GADL1: variants seen among roughly 807,000 people sequenced by gnomAD.
The protein encoded by GADL1 is acidic amino acid decarboxylase GADL1.
A neutral mutation model predicts 69.5 loss-of-function variants in GADL1; 71 were observed. The ratio of observed to expected loss-of-function variants is 1.02; its 90% CI spans 0.84 to 1.25. The LOEUF (loss-of-function observed/expected upper bound fraction) is 1.25, where lower values mean the gene tolerates loss of function less well. Among genes scored for constraint, GADL1 ranks in the 50% most tolerant of loss-of-function variants. The probability of loss-of-function intolerance (pLI) is 0.00; values close to 1 mark genes in which losing one functional copy is unlikely to be tolerated. For missense variants in GADL1, 737 were observed against 631.8 expected (o/e 1.17, Z -1.79); for synonymous variants, 254 against 214.4 (o/e 1.18, Z -1.62).
At chr3:30,851,430 T>C (rs1265279250) in intron 4 of GADL1, among the ~76,000 whole-genome samples, 1 of 152,180 alleles carries the variant, frequency 6.6e-6, no homozygotes, top group African/African-American at 2.4e-5. Flanking sequence ...TACTACACTC[T>C]CTGTGTCTGT....
intron 14 of GADL1, among the ~76,000 whole-genome samples, chr3:30,751,362 A>G (rs76584952): frequency 0.013 from 1,968 of 151,980 alleles, 19 homozygotes; most frequent in Non-Finnish European, 0.018. Context: ...GTTTGTTTCT[A>G]TTCTGTGAGT....
At chr3:30,842,200 A>C (rs1279702323) in intron 8 of GADL1, among the ~76,000 whole-genome samples, 4 of 152,176 alleles carry the variant, frequency 2.6e-5, no homozygotes, top group Non-Finnish European at 5.9e-5. Flanking sequence ...TTAAAAGGGC[A>C]ATGGGGAAAT....
chr3:30,811,575 G>A (rs1434683882), intron 11 of GADL1, among the ~76,000 whole-genome samples: 1 of 152,122 alleles, frequency 6.6e-6, no homozygotes, highest in African/African-American at 2.4e-5. Flanking sequence ...TTTAAATAGT[G>A]ACACAGTATC....
At chr3:30,832,132 TA>T (rs1459584133) in intron 11 of GADL1, among the ~76,000 whole-genome samples, 1 of 151,836 alleles carries the variant, frequency 6.6e-6, no homozygotes, top group Non-Finnish European at 1.5e-5. Flanking sequence ...ACACAAAACT[TA>T]AACTGATTGC....
At chr3:30,827,250 T>C (rs1229879463) in intron 11 of GADL1, among the ~76,000 whole-genome samples, 1 of 151,184 alleles carries the variant, frequency 6.6e-6, no homozygotes. Context: ...GTGAGACCCA[T>C]TCTGTCCTCA....
intron 14 of GADL1, among the ~76,000 whole-genome samples, chr3:30,765,995 A>G (rs370006549): frequency 6.6e-6 from 1 of 152,198 alleles, no homozygotes; most frequent in Admixed American, 6.5e-5. Flanking sequence ...ACTCATGCTC[A>G]GGTGCCAGGA....
chr3:30,732,011 T>C (rs1040173803), intron 14 of GADL1, among the ~76,000 whole-genome samples: 20 of 152,214 alleles, frequency 1.3e-4, no homozygotes, highest in African/African-American at 4.3e-4. Context: ...AAAGCTTATT[T>C]GAAAGGAATT....
chr3:30,809,126 A>G (rs373321219), intron 11 of GADL1, among the ~76,000 whole-genome samples: 1 of 152,192 alleles, frequency 6.6e-6, no homozygotes, highest in Non-Finnish European at 1.5e-5. Context: ...TGCTGTATTT[A>G]TGTTCACCTA....
intron 14 of GADL1, among the ~76,000 whole-genome samples, chr3:30,777,513 C>T (rs541369965): frequency 1.7e-4 from 26 of 152,270 alleles, no homozygotes; most frequent in South Asian, 4.1e-4. Context: ...GTGTTACTCA[C>T]GAGACTCCAT....
chr3:30,871,997 G>A (rs1229619290), intron 1 of GADL1, among the ~76,000 whole-genome samples: 2 of 151,884 alleles, frequency 1.3e-5, no homozygotes, highest in Non-Finnish European at 2.9e-5. Flanking sequence ...TACTCCTATT[G>A]CTTGAGTAAA....
At chr3:30,849,304 T>C (rs1490016731) in intron 6 of GADL1, among the ~76,000 whole-genome samples, 2 of 152,146 alleles carry the variant, frequency 1.3e-5, no homozygotes, top group Admixed American at 1.3e-4. Flanking sequence ...GAATGATAAC[T>C]CTATATTTGG....
In GADL1 at chr3:30,857,597, T is replaced by G. The variant is rs1055756048; in HGVS notation, c.211-456A>C. 2.6e-5 allele frequency among the ~76,000 whole-genome samples: 4 copies of G among 152,024 alleles called. No individual in the cohort carries two copies. The East Asian group carries it at 5.8e-4, about 22-fold the overall frequency. On this transcript the variant is annotated intron_variant, in intron 2 of 14. Transcript: ENST00000282538. The stretch of plus-strand genomic sequence containing the variant: ...TGCTGAAGCAGTTTTTCTCTCTGTG[T>G]GTACCCGGCCCTATGCAGTCTGCTA...
chr3:30,888,826 C>A lies in GADL1; in HGVS notation c.37+5752G>T, dbSNP rs562322660. 7.1e-4 allele frequency among the ~76,000 whole-genome samples: 107 copies of A among 151,724 alleles called. 2 individuals are homozygous for A. The highest frequency in any genetic ancestry group is 2.3e-3 in the African/African-American group (97 of 41,424). On this transcript the variant is annotated intron_variant, in intron 1 of 14. Coordinates refer to ENST00000282538, the MANE Select transcript of GADL1 (RefSeq NM_207359.3). Reference sequence around the variant, plus strand: ...ATGAAAAGTAATGTGGCTGGTGGATCCTGGAAAAAGGGACCCTGAATTCCA... The same window carrying A: ...ATGAAAAGTAATGTGGCTGGTGGATACTGGAAAAAGGGACCCTGAATTCCA...
chr3:30,768,559 GAAGGGGTGGGGA>G (rs1559494054), intron 14 of GADL1, among the ~76,000 whole-genome samples: 2 of 85,448 alleles, frequency 2.3e-5, no homozygotes, highest in African/African-American at 6.6e-5. Context: ...GGGGGAGAGA[GAAGGGGTGGGGA>G]GGGGGAGGAG....
rs144521116 is a variant in GADL1, at chr3:30,844,243, T to A, written c.753A>T (p.Glu251Asp). Residue 251 changes from glutamate (E) to aspartate (D), a missense_variant, in exon 8 of 15, where the codon GAA becomes GAT. Transcript: ENST00000282538. ...TDGRGKMIPEELEKQVWQARK... is the reference protein window; with the variant it reads ...TDGRGKMIPEDLEKQVWQARK... The stretch of plus-strand genomic sequence containing the variant: ...TGGCTTGCCAGACTTGCTTCTCCAG[T>A]TCCTCAGGTATCATTTTACCTCTAA... The A allele has an allele frequency of 2.5e-6, 4 of 1,612,432 alleles. No individual in the cohort carries two copies. The East Asian group carries it at 8.9e-5, about 36-fold the overall frequency.
chr3:30,871,971 A>G (rs900685825), intron 1 of GADL1, among the ~76,000 whole-genome samples: 3 of 151,952 alleles, frequency 2.0e-5, no homozygotes, highest in Non-Finnish European at 2.9e-5. Flanking sequence ...AAGAGAGTAG[A>G]TTTTTCAGAG....
At chr3:30,842,315 A>G (rs779681421) in intron 8 of GADL1, among the ~76,000 whole-genome samples, 93 of 151,702 alleles carry the variant, frequency 6.1e-4, no homozygotes, top group Non-Finnish European at 1.1e-3. Flanking sequence ...TCAACTATTT[A>G]TAGATCAAAT....
chr3:30,854,683 A>T lies in GADL1; in HGVS notation c.428+16T>A. Reference sequence around the variant, plus strand: ...AATCCACGTTTGGTGTGAAATTTCTATAGCATGGCACTTACACACTTGGAT... The same window carrying T: ...AATCCACGTTTGGTGTGAAATTTCTTTAGCATGGCACTTACACACTTGGAT... On this transcript the variant is annotated intron_variant, in intron 4 of 14. Coordinates refer to ENST00000282538, the MANE Select transcript of GADL1 (RefSeq NM_207359.3). 6.8e-7 allele frequency: 1 copy of T among 1,477,620 alleles called. No individual in the cohort carries two copies. Among genetic ancestry groups the T allele is most frequent in the Non-Finnish European group, 9.2e-7 (1 of 1,084,280 alleles). 91.5% of individuals were successfully genotyped at this position (1,477,620 alleles called of 1,614,324 possible). A position where few individuals can be genotyped will look rare whatever the true frequency, so the allele number is the denominator to read the frequency against.
At chr3:30,792,876 A>C (rs191051576) in intron 12 of GADL1, among the ~76,000 whole-genome samples, 50 of 152,246 alleles carry the variant, frequency 3.3e-4, no homozygotes, top group African/African-American at 1.2e-3. Flanking sequence ...CTAAACTAAT[A>C]ATTGGGGAAG....
Sources: gnomAD v4.1 joint callset for allele counts (sites outside exome capture counted in the v4.1 genomes callset) on GRCh38, gnomAD v4.1.1 for gene constraint, MANE v1.5 for transcripts, NCBI Gene and HGNC (gene_info 2026-07-23, HGNC 2026-07-21) for gene names.